FARS2: variants seen among roughly 807,000 people sequenced by gnomAD.
The protein encoded by FARS2 is phenylalanyl-tRNA synthetase 2, mitochondrial.
In FARS2, 40 loss-of-function variants were observed where a neutral mutation model predicts 46.4. That is an observed-to-expected ratio of 0.86 (90% CI 0.67 to 1.12). FARS2 has a LOEUF of 1.12. Among genes scored for constraint, FARS2 ranks in the 50% most tolerant of loss-of-function variants. The probability of loss-of-function intolerance (pLI) is 0.00; values close to 1 mark genes in which losing one functional copy is unlikely to be tolerated. For synonymous variants in FARS2, 234 were observed against 214.9 expected (o/e 1.09, Z -0.78); for missense variants, 513 against 567.9 (o/e 0.90, Z 0.98).
rs941301241 is a variant in FARS2, at chr6:5,727,987, C to T, written c.1218-43304C>T. Among the ~76,000 whole-genome samples, 10 of 152,158 alleles carry T rather than the reference C, an allele frequency of 6.6e-5. No homozygotes were observed. Among genetic ancestry groups the T allele is most frequent in the East Asian group, 1.9e-4 (1 of 5,196 alleles). ...GGTCCCTGGGAGCTTCGCTTACCAC[C>T]GTGGGCACTTAATGGATGCTAAATA... On this transcript the variant is annotated intron_variant, in intron 6 of 6. Coordinates refer to ENST00000274680, the MANE Select transcript of FARS2 (RefSeq NM_006567.5). The surrounding 1 kb of genome is among the most constrained non-coding windows in gnomAD (Gnocchi z 4.1).
chr6:5,487,398 G>A (rs1766838020), intron 4 of FARS2, among the ~76,000 whole-genome samples: 1 of 152,174 alleles, frequency 6.6e-6, no homozygotes, highest in Admixed American at 6.5e-5. Flanking sequence ...GAACCAACCA[G>A]CACTACAATT....
intron 6 of FARS2, among the ~76,000 whole-genome samples, chr6:5,613,849 A>G (rs2150675357): frequency 6.6e-6 from 1 of 152,316 alleles, no homozygotes. Flanking sequence ...TGAGGGAAAA[A>G]TGCATTGGGT....
At chr6:5,525,727 A>C (rs1769423837) in intron 4 of FARS2, among the ~76,000 whole-genome samples, 2 of 152,380 alleles carry the variant, frequency 1.3e-5, no homozygotes, top group South Asian at 4.1e-4. Flanking sequence ...AGATTGGATC[A>C]AGATGTTTAA....
intron 4 of FARS2, among the ~76,000 whole-genome samples, chr6:5,506,467 G>A (rs922219398): frequency 2.0e-5 from 3 of 152,134 alleles, no homozygotes; most frequent in African/African-American, 7.2e-5. Context: ...GAGAGAGTGG[G>A]GCTGGGCACA....
intron 4 of FARS2, among the ~76,000 whole-genome samples, chr6:5,475,673 G>A (rs1766080304): frequency 6.6e-6 from 1 of 152,130 alleles, no homozygotes; most frequent in South Asian, 2.1e-4. Flanking sequence ...TAGTCACACT[G>A]TTTACTGTTT....
chr6:5,695,212 C>G (rs1006174615), intron 6 of FARS2: 13 of 152,218 alleles, frequency 8.5e-5, no homozygotes, highest in Admixed American at 6.5e-5. Context: ...AGCATAAATC[C>G]CAGAATGATC....
chr6:5,741,978 TCTGTGTCA>T (rs375980340), intron 6 of FARS2, among the ~76,000 whole-genome samples: 350 of 152,350 alleles, frequency 2.3e-3, no homozygotes, highest in African/African-American at 8.1e-3. Flanking sequence ...TATCAGGGCC[TCTGTGTCA>T]ACAGGCTCCT....
intron 2 of FARS2, among the ~76,000 whole-genome samples, chr6:5,402,981 A>G (rs1330040915): frequency 6.6e-6 from 1 of 152,126 alleles, no homozygotes; most frequent in Non-Finnish European, 1.5e-5. Context: ...GTGGGGTAGG[A>G]GTATAACAGT....
chr6:5,271,142 C>T (rs1765913870), intron 1 of FARS2, among the ~76,000 whole-genome samples: 1 of 152,156 alleles, frequency 6.6e-6, no homozygotes, highest in Non-Finnish European at 1.5e-5. Flanking sequence ...AGTGATGTTG[C>T]CAAAGATTCA....
At chr6:5,566,044 G>T (rs1442655196) in intron 5 of FARS2, among the ~76,000 whole-genome samples, 1 of 152,120 alleles carries the variant, frequency 6.6e-6, no homozygotes, top group Admixed American at 6.5e-5. Flanking sequence ...TTACTAAAGG[G>T]CAGATTAGTG....
chr6:5,659,594 T>C (rs1440269850), intron 6 of FARS2, among the ~76,000 whole-genome samples: 2 of 152,232 alleles, frequency 1.3e-5, no homozygotes, highest in South Asian at 2.1e-4. Flanking sequence ...TGTCTCTCCA[T>C]GTATCCATTC....
rs140582771 is a variant in FARS2 at position 5,342,645 on chromosome 6, G to A, written c.-21-25905G>A. 7.2e-5 allele frequency among the ~76,000 whole-genome samples: 11 copies of A among 152,084 alleles called. No homozygotes were observed. In the East Asian group the frequency reaches 7.7e-4, roughly 11 times the overall value. On this transcript the variant is annotated intron_variant, in intron 1 of 6. Coordinates refer to ENST00000274680, the MANE Select transcript of FARS2 (RefSeq NM_006567.5). ...TGCATGCCTGTAATCCCAGCTATTC[G>A]GGAGGCTGAGGCGGGAGAATTGCTT...
intron 3 of FARS2, among the ~76,000 whole-genome samples, chr6:5,417,073 A>G (rs994967555): frequency 2.0e-5 from 3 of 152,080 alleles, no homozygotes; most frequent in Admixed American, 6.5e-5. Context: ...TTCCCAACTG[A>G]TATTTTCCTT....
rs115409368 is a variant in FARS2 at position 5,556,165 on chromosome 6, G to A, written c.1065+10825G>A. Among the ~76,000 whole-genome samples the A allele has an allele frequency of 4.1e-3, 623 of 152,078 alleles. 3 individuals are homozygous for A. The highest frequency in any genetic ancestry group is 0.015 in the African/African-American group (606 of 41,432). On this transcript the variant is annotated intron_variant, in intron 5 of 6. Coordinates refer to ENST00000274680, the MANE Select transcript of FARS2 (RefSeq NM_006567.5). The stretch of plus-strand genomic sequence containing the variant: ...TGCTTGAAATCTCCCCTTAGAGCTC[G>A]CTTCCTTTAGCTTAATACTTTAATC...
chr6:5,647,867 A>G (rs928241530), intron 6 of FARS2, among the ~76,000 whole-genome samples: 2 of 152,166 alleles, frequency 1.3e-5, no homozygotes, highest in African/African-American at 2.4e-5. Flanking sequence ...ACGTAACCCA[A>G]TGGTTAAGGG....
chr6:5,587,838 C>T (rs1773703107), intron 5 of FARS2, among the ~76,000 whole-genome samples: 1 of 152,154 alleles, frequency 6.6e-6, no homozygotes, highest in East Asian at 1.9e-4. Context: ...CTCTAAACCT[C>T]AACACTCTCA....
At chr6:5,479,951 G>A (rs1304563095) in intron 4 of FARS2, among the ~76,000 whole-genome samples, 1 of 152,236 alleles carries the variant, frequency 6.6e-6, no homozygotes, top group Admixed American at 6.5e-5. Context: ...GGAAGAGTTA[G>A]GGACCTACGG....
At chr6:5,341,540 A>G (rs1184597350) in intron 1 of FARS2, among the ~76,000 whole-genome samples, 1 of 150,862 alleles carries the variant, frequency 6.6e-6, no homozygotes, top group Non-Finnish European at 1.5e-5. Flanking sequence ...TTTTTTTGAG[A>G]CAGAGTCTCG....
intron 5 of FARS2, among the ~76,000 whole-genome samples, chr6:5,582,357 A>G (rs1470624558): frequency 6.6e-6 from 1 of 152,252 alleles, no homozygotes; most frequent in African/African-American, 2.4e-5. Flanking sequence ...TGCTAACATA[A>G]TGACTACAAA....
Sources: gnomAD v4.1 joint callset for allele counts (sites outside exome capture counted in the v4.1 genomes callset) on GRCh38, gnomAD v4.1.1 for gene constraint, Gnocchi (gnomAD v3.1) non-coding constraint, MANE v1.5 for transcripts, NCBI Gene and HGNC (gene_info 2026-07-23, HGNC 2026-07-21) for gene names.